Variants in DMXL1 observed in about 807,000 individuals in gnomAD.
The protein encoded by DMXL1 is dmX-like protein 1.
DMXL1 carries 99 observed loss-of-function variants against 319.2 expected under a neutral mutation model. The observed-to-expected ratio is 0.31, with a 90% CI of 0.26 to 0.37. The LOEUF is 0.37. DMXL1 is among the 10% of genes least tolerant of loss of function. The pLI is 1.00. For missense variants in DMXL1, 3,745 were observed against 3,595.6 expected (o/e 1.04, Z -1.06); for synonymous variants, 1,385 against 1,235.2 (o/e 1.12, Z -2.54).
rs776304315 is a variant in DMXL1 at position 119,203,413 on chromosome 5, AC to A, written c.7841del (p.Thr2614LysfsTer6). ...GGAAACCTTTATCAAAAATATATTC[AC>A]AAAGAAACGGTGTCTAAATGAGGTC... ...IQETFIKNIF[T>X]KKRCLNESLE... On this transcript the variant is annotated frameshift_variant, in exon 33 of 44. Coordinates refer to ENST00000539542, the MANE Select transcript of DMXL1 (RefSeq NM_001290321.3). LOFTEE classifies it high-confidence loss of function. The A allele has an allele frequency of 6.2e-7, 1 of 1,602,254 alleles. No homozygotes were observed. Among genetic ancestry groups the A allele is most frequent in the Non-Finnish European group, 8.5e-7 (1 of 1,174,666 alleles).
At chr5:119,222,527 C>G (rs1055364699) in intron 37 of DMXL1, among the ~76,000 whole-genome samples, 15 of 152,090 alleles carry the variant, frequency 9.9e-5, no homozygotes, top group African/African-American at 3.6e-4. Context: ...GTGCATAGGA[C>G]TAATAGGCAC....
chr5:119,177,906 C>T (rs1301079544), intron 27 of DMXL1, 90 bp from the exon 28 acceptor site: 2 of 1,202,250 alleles, frequency 1.7e-6, no homozygotes, highest in Non-Finnish European at 2.2e-6. Context: ...TGATGCAATA[C>T]ATTTTTTCCT....
intron 38 of DMXL1, among the ~76,000 whole-genome samples, chr5:119,227,370 C>T (rs1785785843): frequency 6.6e-6 from 1 of 152,124 alleles, no homozygotes; most frequent in South Asian, 2.1e-4. Flanking sequence ...GTCTGCTCTG[C>T]TGGAACATTA....
At chr5:119,126,572 A>G (rs1015826060) in intron 9 of DMXL1, among the ~76,000 whole-genome samples, 1 of 152,242 alleles carries the variant, frequency 6.6e-6, no homozygotes, top group Non-Finnish European at 1.5e-5. Context: ...TAAGTGCCCA[A>G]CACCGTGGAC....
chr5:119,209,005 ATTAT>A (rs1782265893), intron 34 of DMXL1, among the ~76,000 whole-genome samples: 1 of 152,192 alleles, frequency 6.6e-6, no homozygotes, highest in Admixed American at 6.5e-5. Context: ...ACTTAGCATA[ATTAT>A]TTCAAGATTC....
rs749319763 is a variant in DMXL1 at position 119,163,776 on chromosome 5, C to T, written c.4703-731C>T. ...ATTTTTAGTAGAGATAGGGTTTCAC[C>T]GTGTTAGCCAGGATGGTCTCGATCT... On this transcript the variant is annotated intron_variant, in intron 19 of 43. Transcript: ENST00000539542. Among the ~76,000 whole-genome samples the T allele has an allele frequency of 5.9e-5, 9 of 152,128 alleles. No homozygotes were observed. In the East Asian group the frequency reaches 7.7e-4, roughly 13 times the overall value.
intron 1 of DMXL1, among the ~76,000 whole-genome samples, chr5:119,073,991 T>C (rs911676731): frequency 2.6e-5 from 4 of 151,958 alleles, no homozygotes; most frequent in Non-Finnish European, 5.9e-5. Context: ...CGATCTTAGC[T>C]CACTGCAACT....
chr5:119,090,653 C>A (rs1754577205), intron 1 of DMXL1, among the ~76,000 whole-genome samples: 1 of 150,968 alleles, frequency 6.6e-6, no homozygotes, highest in African/African-American at 2.4e-5. Flanking sequence ...ACCTCTGCCT[C>A]CCGTGTTCAA....
At position 119,177,395 on chromosome 5, in the gene DMXL1, A is replaced by G. The variant is rs548203755; in HGVS notation, c.6797A>G (p.Gln2266Arg). ...QTNQFTGMVY[Q>R]TVLLPHRPSL... is the part of the protein sequence containing the mutation. Reference sequence around the variant, plus strand: ...AATCAGTTTACTGGAATGGTATATCAGACAGTACTGCTTCCTCATCGACCT... The same window carrying G: ...AATCAGTTTACTGGAATGGTATATCGGACAGTACTGCTTCCTCATCGACCT... Residue 2266 changes from glutamine to arginine, a missense_variant, in exon 27 of 44, where the codon CAG becomes CGG. Gln to Arg is a conservative substitution (Grantham distance 43). This residue lies in a region of DMXL1 where 1,382 missense variants were observed against 1,269.5 expected (regional missense o/e 1.09). Transcript: ENST00000539542. 5.6e-6 allele frequency: 9 copies of G among 1,602,618 alleles called. No homozygotes were observed. The highest frequency in any genetic ancestry group is 7.7e-6 in the Non-Finnish European group (9 of 1,173,492).
chr5:119,210,585 G>A (rs79421171), intron 34 of DMXL1, among the ~76,000 whole-genome samples: 1 of 151,942 alleles, frequency 6.6e-6, no homozygotes, highest in Non-Finnish European at 1.5e-5. Context: ...TCAAAAATCA[G>A]TTGACACAGA....
intron 39 of DMXL1, chr5:119,236,439 G>A (rs577119519): frequency 4.6e-5 from 7 of 151,966 alleles, no homozygotes; most frequent in East Asian, 1.9e-4. Context: ...AATTGAAAAC[G>A]GTATGGGGAA....
intron 37 of DMXL1, among the ~76,000 whole-genome samples, chr5:119,224,398 C>T (rs935032107): frequency 1.5e-4 from 23 of 151,858 alleles, no homozygotes; most frequent in Non-Finnish European, 5.9e-5. Context: ...TTTAAACTTA[C>T]ACTATTCAGG....
intron 19 of DMXL1, among the ~76,000 whole-genome samples, chr5:119,157,682 C>A (rs1771410207): frequency 1.3e-5 from 2 of 152,070 alleles, no homozygotes; most frequent in South Asian, 4.1e-4. Context: ...TGGTCTGTTT[C>A]TGTTTTTACA....
chr5:119,107,129 G>T (rs144566143), intron 4 of DMXL1, among the ~76,000 whole-genome samples: 1 of 152,072 alleles, frequency 6.6e-6, no homozygotes, highest in African/African-American at 2.4e-5. Context: ...TTGAGCCCAG[G>T]AGTTTGAGAC....
intron 17 of DMXL1, among the ~76,000 whole-genome samples, chr5:119,148,455 T>C (rs1469568452): frequency 6.6e-6 from 1 of 152,166 alleles, no homozygotes; most frequent in African/African-American, 2.4e-5. Flanking sequence ...TTGAAGTAAA[T>C]TATCTCAGAG....
chr5:119,202,899 A>ATT (rs1261126398), intron 32 of DMXL1, among the ~76,000 whole-genome samples: 6 of 144,678 alleles, frequency 4.1e-5, no homozygotes, highest in African/African-American at 1.0e-4. Flanking sequence ...ATATATATAT[A>ATT]TATATATTTA....
At position 119,101,924 on chromosome 5, in the gene DMXL1, C is replaced by A. The variant is rs199518837; in HGVS notation, c.214-11C>A. On this transcript the variant is annotated splice_polypyrimidine_tract_variant and intron_variant, in intron 2 of 43. Transcript: ENST00000539542. ...CATATCCCTAATAAATTCTTTTTTT[C>A]TTTTTAAAAGATTGCAGCGTCTTAT... 2.3e-5 allele frequency: 36 copies of A among 1,569,068 alleles called. No individual in the cohort carries two copies. Among genetic ancestry groups the A allele is most frequent in the Non-Finnish European group, 3.1e-5 (36 of 1,155,210 alleles).
rs371022302 is a variant in DMXL1, at chr5:119,215,072, C to G, written c.7927-1829C>G. On this transcript the variant is annotated intron_variant, in intron 34 of 43. Transcript: ENST00000539542. ...GACTTGTACATCATTAACGGATGAT[C>G]GGCGTTTTGTAGTCAGAGCTGAGAC... 3.9e-5 allele frequency among the ~76,000 whole-genome samples: 6 copies of G among 152,248 alleles called. No homozygotes were observed. In the East Asian group the frequency reaches 9.6e-4, roughly 24 times the overall value.
chr5:119,233,326 C>T lies in DMXL1; in HGVS notation c.8339-14C>T, dbSNP rs549093806. On this transcript the variant is annotated splice_polypyrimidine_tract_variant and intron_variant, in intron 38 of 43. Coordinates refer to ENST00000539542, the MANE Select transcript of DMXL1 (RefSeq NM_001290321.3). ...TTGAAATAAATCTGCAATTTTTGCC[C>T]TCTTGTAATGCAGATCTGACAGGAG... is the stretch of plus-strand genomic sequence containing the variant. 1.9e-6 allele frequency: 3 copies of T among 1,599,042 alleles called. No homozygotes were observed. Among genetic ancestry groups the T allele is most frequent in the South Asian group, 2.3e-5 (2 of 87,586 alleles).
Sources: allele counts gnomAD v4.1 joint callset (sites outside exome capture counted in the v4.1 genomes callset), GRCh38; gene constraint gnomAD v4.1.1; regional missense constraint gnomAD v4.1.1; transcripts MANE v1.5; gene names NCBI Gene and HGNC (gene_info 2026-07-23, HGNC 2026-07-21).